CHST10: variants seen among roughly 807,000 people sequenced by gnomAD.
CHST10 encodes the protein HNK-1 sulfotransferase.
Under a neutral mutation model 34.7 loss-of-function variants are expected in CHST10, and 24 were observed. That is an observed-to-expected ratio of 0.69 (90% CI 0.50 to 0.97). The LOEUF (loss-of-function observed/expected upper bound fraction) is 0.97. CHST10 is among the 50% of genes least tolerant of loss of function. CHST10 has a pLI of 0.00. For synonymous variants in CHST10, 161 were observed against 169.3 expected (o/e 0.95, Z 0.38); for missense variants, 402 against 452.1 (o/e 0.89, Z 1.00).
At chr2:100,394,889 A>ATT (rs34088546) in intron 6 of CHST10, among the ~76,000 whole-genome samples, 4 of 147,162 alleles carry the variant, frequency 2.7e-5, no homozygotes, top group African/African-American at 1.0e-4. Context: ...ACAGCGGGCT[A>ATT]TTTTTTTTTT....
At chr2:100,411,050 G>A (rs1026860023) in intron 2 of CHST10, among the ~76,000 whole-genome samples, 1 of 151,016 alleles carries the variant, frequency 6.6e-6, no homozygotes, top group African/African-American at 2.4e-5. Context: ...ATCATGAGAG[G>A]ACAGTAAGAG....
chr2:100,415,155 C>G (rs956335711), intron 1 of CHST10, 44 bp from the exon 2 acceptor site: 2 of 1,171,094 alleles, frequency 1.7e-6, no homozygotes, highest in African/African-American at 3.2e-5. Context: ...TTAAAAGTTA[C>G]AAGATCAACT....
intron 2 of CHST10, among the ~76,000 whole-genome samples, chr2:100,413,200 T>C (rs1675918994): frequency 6.6e-6 from 1 of 152,210 alleles, no homozygotes; most frequent in African/African-American, 2.4e-5. Flanking sequence ...TGGCATTTTC[T>C]GTAATTAACT....
At chr2:100,398,180 T>C (rs1279304084) in intron 4 of CHST10, 38 bp from the exon 5 acceptor site, 2 of 1,518,274 alleles carry the variant, frequency 1.3e-6, no homozygotes, top group Admixed American at 1.8e-5. Context: ...CCAGGGACCA[T>C]TAAAGGAGGC....
intron 5 of CHST10, among the ~76,000 whole-genome samples, chr2:100,397,563 CG>C (rs1222240480): frequency 6.6e-6 from 1 of 152,072 alleles, no homozygotes; most frequent in Admixed American, 6.5e-5. Flanking sequence ...CTGGGGATGT[CG>C]GACAGAGTGG....
rs1293403711 is a variant in CHST10 at position 100,392,016 on chromosome 2, G to GA, written c.*1228dup. 6.5e-6 allele frequency: 1 copy of GA among 152,830 alleles called. No homozygotes were observed. The highest frequency in any genetic ancestry group is 1.5e-5 in the Non-Finnish European group (1 of 68,160). The allele number at this position is 152,830 out of a possible 1,614,324, so 9.5% of individuals were successfully genotyped here. A position where few individuals can be genotyped will look rare whatever the true frequency, so the allele number is the denominator to read the frequency against. On this transcript the variant is annotated 3_prime_UTR_variant, in exon 7 of 7. Coordinates refer to ENST00000264249, the MANE Select transcript of CHST10 (RefSeq NM_004854.5). ...AGGCTCAGGCTGGCACTCATCCCAG[G>GA]AAACTGTCCCAGTTCTCAGCGGTCC...
Position 100,392,097 on chromosome 2 carries a change from C to T in CHST10, c.*1148G>A, listed in dbSNP as rs948034661. ...GCGGCTTGCCCTGCACCAGGGCCTA[C>T]CTTGTTGCCAGGAAGCCGCACTGCT... is the stretch of plus-strand genomic sequence containing the variant. On this transcript the variant is annotated 3_prime_UTR_variant, in exon 7 of 7. Transcript: ENST00000264249. 6.5e-6 allele frequency: 1 copy of T among 152,708 alleles called. No homozygotes were observed. Among genetic ancestry groups the T allele is most frequent in the African/African-American group, 2.4e-5 (1 of 41,432 alleles). 9.5% of individuals were successfully genotyped at this position (152,708 alleles called of 1,614,324 possible). A position where few individuals can be genotyped will look rare whatever the true frequency, so the allele number is the denominator to read the frequency against.
intron 2 of CHST10, among the ~76,000 whole-genome samples, chr2:100,413,148 T>C (rs1675917322): frequency 6.6e-6 from 1 of 152,222 alleles, no homozygotes; most frequent in African/African-American, 2.4e-5. Context: ...CAAGGGCTGC[T>C]GCTCTCCCTA....
chr2:100,402,900 G>A (rs1675407821), intron 3 of CHST10, among the ~76,000 whole-genome samples: 1 of 152,134 alleles, frequency 6.6e-6, no homozygotes, highest in African/African-American at 2.4e-5. Context: ...AACTCAAAGT[G>A]GATCACAGAC....
chr2:100,404,370 C>T (rs1675474689), intron 3 of CHST10, among the ~76,000 whole-genome samples: 1 of 152,182 alleles, frequency 6.6e-6, no homozygotes. Flanking sequence ...AGGGAAAGTG[C>T]CCCCTTTCAC....
At chr2:100,402,053 A>T (rs1573184412) in intron 4 of CHST10, among the ~76,000 whole-genome samples, 1 of 152,354 alleles carries the variant, frequency 6.6e-6, no homozygotes, top group South Asian at 2.1e-4. Context: ...CAGAATGTCA[A>T]GCCAGCAAGG....
rs368987262 is a variant in CHST10 at position 100,398,002 on chromosome 2, G to A, written c.333C>T (p.Asp111=). Residue 111 remains aspartate, a synonymous_variant, in exon 5 of 7, where the codon GAC becomes GAT. Coordinates refer to ENST00000264249, the MANE Select transcript of CHST10 (RefSeq NM_004854.5). ...TGTGCTTGTCACAGACAAATATTCG[G>A]TCCAGGACAAACTTGGAGACAGGAG... ...SHTPVSKFVL[D]RIFVCDKHKI... is the part of the protein sequence containing the mutation. 1 of 1,614,176 alleles carries A rather than the reference G, an allele frequency of 6.2e-7. No individual in the cohort carries two copies. The highest frequency in any genetic ancestry group is 8.5e-7 in the Non-Finnish European group (1 of 1,180,040).
At chr2:100,406,291 G>C (rs1379503986) in intron 3 of CHST10, among the ~76,000 whole-genome samples, 1 of 152,168 alleles carries the variant, frequency 6.6e-6, no homozygotes, top group Non-Finnish European at 1.5e-5. Context: ...TGTGCTGCTG[G>C]GAGGAGACCC....
intron 2 of CHST10, among the ~76,000 whole-genome samples, chr2:100,407,053 G>A (rs901425850): frequency 1.3e-5 from 2 of 152,168 alleles, no homozygotes; most frequent in Non-Finnish European, 2.9e-5. Context: ...GAGCTCCCAC[G>A]ATGGTCTGGA....
chr2:100,416,980 CCCTCGCA>C, intron 1 of CHST10: 1 of 1,304,228 alleles, frequency 7.7e-7, no homozygotes, highest in Non-Finnish European at 1.0e-6. Flanking sequence ...CCCCTGACTC[CCCTCGCA>C]CCGAAGCTGC....
At chr2:100,417,164 C>A (rs1439958377) in intron 1 of CHST10, 2 of 773,698 alleles carry the variant, frequency 2.6e-6, no homozygotes, top group South Asian at 1.4e-5. Flanking sequence ...CAGCATCCCG[C>A]ACAAGGACGC....
chr2:100,412,374 G>A (rs567374397), intron 2 of CHST10, among the ~76,000 whole-genome samples: 30 of 152,188 alleles, frequency 2.0e-4, no homozygotes, highest in African/African-American at 2.9e-4. Flanking sequence ...CATTTGCTTC[G>A]GGATTATGTG....
rs547341685 is a variant in CHST10, at chr2:100,392,950, C to T, written c.*295G>A. The T allele has an allele frequency of 7.5e-6, 3 of 398,002 alleles. No homozygotes were observed. Among genetic ancestry groups the T allele is most frequent in the East Asian group, 9.9e-5 (2 of 20,226 alleles). The allele number at this position is 398,002 out of a possible 1,614,324, so 24.7% of individuals were successfully genotyped here. ...AACGCTGTGTGATGCTTCCTCCCTG[C>T]TGGGCTGTCAAACTGCAAATCTTTA... On this transcript the variant is annotated 3_prime_UTR_variant, in exon 7 of 7. Coordinates refer to ENST00000264249, the MANE Select transcript of CHST10 (RefSeq NM_004854.5).
rs115020575 is a variant in CHST10, at chr2:100,402,756, C to T, written c.101-101G>A. On this transcript the variant is annotated intron_variant, in intron 3 of 6. Coordinates refer to ENST00000264249, the MANE Select transcript of CHST10 (RefSeq NM_004854.5). ...AGAAATAGAAGCTCTCAAAGATGCC[C>T]AAATGCCTTTTGACAAAGCCATAAA... The T allele has an allele frequency of 4.1e-3, 4,139 of 1,004,894 alleles. 22 individuals are homozygous for T. Among genetic ancestry groups the T allele is most frequent in the South Asian group, 7.2e-3 (495 of 68,796 alleles). 62.2% of individuals were successfully genotyped at this position (1,004,894 alleles called of 1,614,324 possible). A position where few individuals can be genotyped will look rare whatever the true frequency, so the allele number is the denominator to read the frequency against.
Sources: gnomAD v4.1 joint callset for allele counts (sites outside exome capture counted in the v4.1 genomes callset) on GRCh38, gnomAD v4.1.1 for gene constraint, MANE v1.5 for transcripts, NCBI Gene and HGNC (gene_info 2026-07-23, HGNC 2026-07-21) for gene names.